GPR37L1: variants seen among roughly 807,000 people sequenced by gnomAD.
The protein encoded by GPR37L1 is G protein-coupled receptor 37 like 1, also known as G protein-coupled receptor 37-like 1.
Under a neutral mutation model 18.0 loss-of-function variants are expected in GPR37L1, and 18 were observed. The ratio of observed to expected loss-of-function variants is 1.00; its 90% CI spans 0.69 to 1.49. The LOEUF (loss-of-function observed/expected upper bound fraction) is 1.49. Ranked by LOEUF, GPR37L1 falls within the 40% of genes most tolerant of loss-of-function variation. GPR37L1 has a pLI of 0.00. For synonymous variants in GPR37L1, 256 were observed against 273.9 expected, an observed-to-expected ratio of 0.93 and a Z score of 0.65; for missense variants, 558 against 615.1, an observed-to-expected ratio of 0.91 and a Z score of 0.98.
chr1:202,123,808 G>A (rs1024968242), intron 1 of GPR37L1, among the ~76,000 whole-genome samples: 4 of 152,072 alleles, frequency 2.6e-5, no homozygotes, highest in African/African-American at 4.8e-5. Context: ...GGGGACAGGC[G>A]GGTGTGTGGG....
intron 1 of GPR37L1, among the ~76,000 whole-genome samples, chr1:202,126,203 A>G (rs1462448082): frequency 6.6e-6 from 1 of 152,016 alleles, no homozygotes; most frequent in African/African-American, 2.4e-5. Context: ...AGGTCAGGAG[A>G]TCGAGACCAT....
At chr1:202,123,643 A>G in intron 1 of GPR37L1, 50 bp downstream of exon 1, 1 of 1,484,538 alleles carries the variant, frequency 6.7e-7, no homozygotes, top group Admixed American at 2.2e-5. Flanking sequence ...AATCCAGGGA[A>G]GGGACTCAAA....
Position 202,128,172 on chromosome 1 carries a change from G to C in GPR37L1, c.1062G>C (p.Glu354Asp). Residue 354 changes from glutamate to aspartate, a missense_variant, in exon 2 of 2, where the codon GAG (glutamate) becomes GAC (aspartate). Physicochemically the swap from Glu to Asp is conservative, Grantham distance 45. Coordinates refer to ENST00000367282, the MANE Select transcript of GPR37L1 (RefSeq NM_004767.5). ...ECRASKHEQC[E>D]SQLNSTVVGL... The stretch of plus-strand genomic sequence containing the variant: ...GGGCCAGCAAGCACGAGCAGTGTGA[G>C]AGCCAGCTCAACAGCACCGTGGTGG... 2 of 1,614,042 alleles carry C rather than the reference G, an allele frequency of 1.2e-6. No homozygotes were observed. The highest frequency in any genetic ancestry group is 1.7e-6 in the Non-Finnish European group (2 of 1,180,022).
intron 1 of GPR37L1, among the ~76,000 whole-genome samples, chr1:202,126,097 G>A (rs1478922318): frequency 6.6e-6 from 1 of 152,094 alleles, no homozygotes; most frequent in Admixed American, 6.6e-5. Flanking sequence ...TAAAACTTGA[G>A]ATATTTTTGA....
At chr1:202,126,868 T>TGTGTGTGTGCGTGTGTGC (rs984736079) in intron 1 of GPR37L1, among the ~76,000 whole-genome samples, 1 of 151,008 alleles carries the variant, frequency 6.6e-6, no homozygotes, top group African/African-American at 2.4e-5. Flanking sequence ...TGTGTGTGTG[T>TGTGTGTGTGCGTGTGTGC]GCACGCGTAA....
In GPR37L1 at chr1:202,128,279, C is replaced by G. The variant is rs377493703; in HGVS notation, c.1169C>G (p.Thr390Ser). The G allele has an allele frequency of 6.2e-7, 1 of 1,614,128 alleles. No homozygotes were observed. ...GTGGCCTACCTCTCCACCGAGCTGA[C>G]CCGCCAGACCCTGGACCTCCTGGGC... Reference protein sequence around the residue: ...IVVAYLSTELTRQTLDLLGLI... With the variant: ...IVVAYLSTELSRQTLDLLGLI... The change falls in exon 2 of 2, where the codon ACC (threonine) becomes AGC (serine). Residue 390 changes from threonine (T) to serine (S), a missense_variant. Thr to Ser is a moderately conservative substitution (Grantham distance 58, BLOSUM62 1). Transcript: ENST00000367282.
rs778113340 is a variant in GPR37L1 at position 202,123,561 on chromosome 1, G to A, written c.598G>A (p.Asp200Asn). 84 of 1,601,940 alleles carry A rather than the reference G, an allele frequency of 5.2e-5. No individual in the cohort carries two copies. The highest frequency in any genetic ancestry group is 6.3e-5 in the Non-Finnish European group (74 of 1,174,030). Residue 200 changes from aspartate to asparagine, a missense_variant, in exon 1 of 2, where the codon GAC (aspartate) becomes AAC (asparagine). By Grantham distance (23) the Asp-to-Asn change is conservative. Coordinates refer to ENST00000367282, the MANE Select transcript of GPR37L1 (RefSeq NM_004767.5). ...NEITKQRLLG[D>N]VSCRAVPFME... ...GATCACCAAGCAGAGGCTACTGGGT[G>A]ACGTTTCTTGTCGTGCCGTGCCCTT...
chr1:202,125,187 A>G (rs1654627676), intron 1 of GPR37L1, among the ~76,000 whole-genome samples: 2 of 147,790 alleles, frequency 1.4e-5, no homozygotes, highest in South Asian at 2.2e-4. Flanking sequence ...AGACCCTGCA[A>G]CTGGAGAGAG....
At position 202,130,273 on chromosome 1, in the gene GPR37L1, C is replaced by T. The variant is rs550854881; in HGVS notation, c.*1717C>T. The T allele has an allele frequency of 6.6e-6, 1 of 152,528 alleles. No individual in the cohort carries two copies. The highest frequency in any genetic ancestry group is 1.5e-5 in the Non-Finnish European group (1 of 68,204). The allele number at this position is 152,528 out of a possible 1,614,324, so 9.4% of individuals were successfully genotyped here. A position where few individuals can be genotyped will look rare whatever the true frequency, so the allele number is the denominator to read the frequency against. On this transcript the variant is annotated 3_prime_UTR_variant, in exon 2 of 2. Transcript: ENST00000367282. ...GTCTGAAGCTCTGTCCTGGGTCCCA[C>T]CAGACTTCTGCCCACCAGGCCTACC...
chr1:202,128,609 T>G lies in GPR37L1; in HGVS notation c.*53T>G. The G allele has an allele frequency of 9.2e-7, 1 of 1,081,394 alleles. No homozygotes were observed. The highest frequency in any genetic ancestry group is 2.5e-5 in the Admixed American group (1 of 39,350). The allele number at this position is 1,081,394 out of a possible 1,614,324, so 67.0% of individuals were successfully genotyped here. Reference sequence around the variant, plus strand: ...AGAGGCCGCCACCCCCGCCGGTGTCTGCTGTTCTTTCCCCATAGGTCTTGC... The same window carrying G: ...AGAGGCCGCCACCCCCGCCGGTGTCGGCTGTTCTTTCCCCATAGGTCTTGC... On this transcript the variant is annotated 3_prime_UTR_variant, in exon 2 of 2. Coordinates refer to ENST00000367282, the MANE Select transcript of GPR37L1 (RefSeq NM_004767.5).
rs1654720133 is a variant in GPR37L1 at position 202,128,004 on chromosome 1, G to C, written c.894G>C (p.Leu298=). Residue 298 remains leucine (L), a synonymous_variant, in exon 2 of 2, where the codon CTG becomes CTC. Transcript: ENST00000367282. ...MKPSASLPES[L]YSLVMTYQNA... Reference sequence around the variant, plus strand: ...CCTCAGCCAGCCTGCCCGAGTCCCTGTATTCACTGGTGATGACCTACCAGA... The same window carrying C: ...CCTCAGCCAGCCTGCCCGAGTCCCTCTATTCACTGGTGATGACCTACCAGA... 1 of 1,614,144 alleles carries C rather than the reference G, an allele frequency of 6.2e-7. No homozygotes were observed. Among genetic ancestry groups the C allele is most frequent in the South Asian group, 1.1e-5 (1 of 91,080 alleles).
At chr1:202,124,345 C>T (rs1654596346) in intron 1 of GPR37L1, among the ~76,000 whole-genome samples, 1 of 152,178 alleles carries the variant, frequency 6.6e-6, no homozygotes, top group African/African-American at 2.4e-5. Flanking sequence ...TATCTCCCAA[C>T]CAGGGCGGGT....
intron 1 of GPR37L1, among the ~76,000 whole-genome samples, chr1:202,127,065 C>A (rs1403256835): frequency 1.3e-5 from 2 of 152,124 alleles, no homozygotes; most frequent in East Asian, 3.9e-4. Context: ...GCCTGAGAGG[C>A]AAAGAACAAG....
In GPR37L1 at chr1:202,126,744, C is replaced by A. The variant is rs142128955; in HGVS notation, c.631-997C>A. Among the ~76,000 whole-genome samples, 1,146 of 152,140 alleles carry A rather than the reference C, an allele frequency of 7.5e-3. 14 individuals carry two copies. Among genetic ancestry groups the A allele is most frequent in the African/African-American group, 0.024 (1,006 of 41,518 alleles). On this transcript the variant is annotated intron_variant, in intron 1 of 1. Coordinates refer to ENST00000367282, the MANE Select transcript of GPR37L1 (RefSeq NM_004767.5). ...TTCCACGCGCTTGATGAATAGAGTG[C>A]GGGCATGGTGGGCACTGGCTGCTCA...
Position 202,122,956 on chromosome 1 carries a change from A to C in GPR37L1, c.-8A>C. The C allele has an allele frequency of 6.2e-7, 1 of 1,612,232 alleles. No individual in the cohort carries two copies. Among genetic ancestry groups the C allele is most frequent in the Non-Finnish European group, 8.5e-7 (1 of 1,179,976 alleles). ...TTCCTGGGCTGGCTGTCTCCTGCTC[A>C]TCCAGCCATGCGGTGGCTGTGGCCC... On this transcript the variant is annotated 5_prime_UTR_variant, in exon 1 of 2. Transcript: ENST00000367282.
In GPR37L1 at chr1:202,131,535, C is replaced by T. The variant is rs1175736863; in HGVS notation, c.*2979C>T. 1 of 152,106 alleles carries T rather than the reference C, an allele frequency of 6.6e-6. No individual in the cohort carries two copies. The highest frequency in any genetic ancestry group is 2.1e-4 in the South Asian group (1 of 4,824). The allele number at this position is 152,106 out of a possible 1,614,324, so 9.4% of individuals were successfully genotyped here. ...CATCCAGGTTTTGGCATCAAAGGGC[C>T]CCAAACATGACAATTTACCTATACT... On this transcript the variant is annotated 3_prime_UTR_variant, in exon 2 of 2. Coordinates refer to ENST00000367282, the MANE Select transcript of GPR37L1 (RefSeq NM_004767.5).
Position 202,130,455 on chromosome 1 carries a change from T to TAA in GPR37L1, c.*1899_*1900insAA, listed in dbSNP as rs1238043331. The TAA allele has an allele frequency of 1.3e-5, 2 of 152,450 alleles. No individual in the cohort carries two copies. Among genetic ancestry groups the TAA allele is most frequent in the East Asian group, 3.9e-4 (2 of 5,166 alleles). The allele number at this position is 152,450 out of a possible 1,614,324, so 9.4% of individuals were successfully genotyped here. On this transcript the variant is annotated 3_prime_UTR_variant, in exon 2 of 2. Coordinates refer to ENST00000367282, the MANE Select transcript of GPR37L1 (RefSeq NM_004767.5). Reference sequence around the variant, plus strand: ...TACCCAAGCTTCCCTCCCCCTCTCCTGGGGATCTTAACGGCCTTGTTCTCT... The same window carrying TAA: ...TACCCAAGCTTCCCTCCCCCTCTCCTAAGGGGATCTTAACGGCCTTGTTCTCT...
intron 1 of GPR37L1, among the ~76,000 whole-genome samples, chr1:202,124,476 G>A (rs1654600778): frequency 6.6e-6 from 1 of 152,218 alleles, no homozygotes; most frequent in Non-Finnish European, 1.5e-5. Flanking sequence ...AGCATAGAGA[G>A]ACAACTTAAA....
chr1:202,130,040 C>G lies in GPR37L1; in HGVS notation c.*1484C>G, dbSNP rs545887415. On this transcript the variant is annotated 3_prime_UTR_variant, in exon 2 of 2. Coordinates refer to ENST00000367282, the MANE Select transcript of GPR37L1 (RefSeq NM_004767.5). The stretch of plus-strand genomic sequence containing the variant: ...TTCCCGCCAGAGCTCCCACTGCCCC[C>G]GGCAGACCCTTCATGCAGCTTCTCC... 3 of 152,724 alleles carry G rather than the reference C, an allele frequency of 2.0e-5. No individual in the cohort carries two copies. The highest frequency in any genetic ancestry group is 7.2e-5 in the African/African-American group (3 of 41,422). 9.5% of individuals were successfully genotyped at this position (152,724 alleles called of 1,614,324 possible).
Sources: gnomAD v4.1 joint callset for allele counts (sites outside exome capture counted in the v4.1 genomes callset) on GRCh38, gnomAD v4.1.1 for gene constraint, MANE v1.5 for transcripts, NCBI Gene and HGNC (gene_info 2026-07-23, HGNC 2026-07-21) for gene names.